Variants in RALGAPA1 observed in about 807,000 individuals in gnomAD.
The protein encoded by RALGAPA1 is ral GTPase-activating protein subunit alpha-1.
Under a neutral mutation model 269.6 loss-of-function variants are expected in RALGAPA1, and 52 were observed. That is an observed-to-expected ratio of 0.19 (90% CI 0.15 to 0.24). The LOEUF is 0.24. Among genes scored for constraint, RALGAPA1 ranks in the 10% least tolerant of loss-of-function variants. The pLI, the probability that RALGAPA1 is intolerant of heterozygous loss-of-function variation, is 1.00. For synonymous variants in RALGAPA1, 817 were observed against 1,008.3 expected, an observed-to-expected ratio of 0.81 and a Z score of 3.60; for missense variants, 1,917 against 3,013.9, an observed-to-expected ratio of 0.64 and a Z score of 8.52.
intron 39 of RALGAPA1, among the ~76,000 whole-genome samples, chr14:35,561,633 T>A (rs1457513202): frequency 6.7e-6 from 1 of 149,696 alleles, no homozygotes; most frequent in African/African-American, 2.5e-5. Context: ...TCAAGCCTCC[T>A]GAGTAGCTGG....
intron 37 of RALGAPA1, among the ~76,000 whole-genome samples, chr14:35,590,274 G>C (rs1292764783): frequency 6.6e-6 from 1 of 152,112 alleles, no homozygotes; most frequent in Non-Finnish European, 1.5e-5. Context: ...AATCTAATTA[G>C]TACCCATATA....
chr14:35,799,049 A>G (rs894153777), intron 1 of RALGAPA1, among the ~76,000 whole-genome samples: 1 of 152,008 alleles, frequency 6.6e-6, no homozygotes, highest in Non-Finnish European at 1.5e-5. Flanking sequence ...ATGGTACTAC[A>G]TGGGTATGAG....
rs554353067 is a variant in RALGAPA1, at chr14:35,704,815, G to A, written c.2267-4513C>T. 6.9e-4 allele frequency among the ~76,000 whole-genome samples: 105 copies of A among 152,060 alleles called. 1 individual carries two copies. The South Asian group carries it at 0.022, about 31-fold the overall frequency. ...AGAAGAACCAGGTTTGTTATTAAAG[G>A]AAATAATTCATAAAAGAGAAATGTA... On this transcript the variant is annotated intron_variant, in intron 16 of 41. Transcript: ENST00000680220.
At chr14:35,646,082 A>C (rs894238350) in intron 31 of RALGAPA1, among the ~76,000 whole-genome samples, 2 of 152,206 alleles carry the variant, frequency 1.3e-5, no homozygotes, top group African/African-American at 4.8e-5. Context: ...TGAATAAGAA[A>C]GAAAGGAAAG....
intron 33 of RALGAPA1, among the ~76,000 whole-genome samples, chr14:35,629,534 C>T (rs1216163342): frequency 2.6e-5 from 4 of 152,090 alleles, no homozygotes; most frequent in Admixed American, 6.6e-5. Flanking sequence ...GATGGAGTCT[C>T]GCTCTGTCTC....
At chr14:35,710,601 A>G (rs2068238738) in intron 16 of RALGAPA1, among the ~76,000 whole-genome samples, 1 of 152,064 alleles carries the variant, frequency 6.6e-6, no homozygotes, top group South Asian at 2.1e-4. Context: ...ATTCTTGATA[A>G]TTCTCCTTGC....
intron 37 of RALGAPA1, among the ~76,000 whole-genome samples, chr14:35,585,004 A>T (rs2058188475): frequency 6.6e-6 from 1 of 152,242 alleles, no homozygotes; most frequent in Non-Finnish European, 1.5e-5. Flanking sequence ...TGCTAACACT[A>T]ATCAAAAGAA....
At chr14:35,773,824 C>T (rs1171185689) in intron 3 of RALGAPA1, among the ~76,000 whole-genome samples, 1 of 151,926 alleles carries the variant, frequency 6.6e-6, no homozygotes, top group Non-Finnish European at 1.5e-5. Flanking sequence ...TCTTTTTTTC[C>T]CCCCTTAACT....
intron 1 of RALGAPA1, among the ~76,000 whole-genome samples, chr14:35,807,366 T>C (rs1452143237): frequency 6.6e-6 from 1 of 152,260 alleles, no homozygotes; most frequent in Non-Finnish European, 1.5e-5. Flanking sequence ...TTAGAAGCTT[T>C]ACATTTTCTT....
intron 1 of RALGAPA1, among the ~76,000 whole-genome samples, chr14:35,778,122 A>C (rs989463138): frequency 2.0e-5 from 3 of 152,104 alleles, no homozygotes; most frequent in Non-Finnish European, 4.4e-5. Context: ...GTGCTGTGGC[A>C]TGATTACAAC....
chr14:35,768,431 T>G lies in RALGAPA1; in HGVS notation c.325+2511A>C, dbSNP rs533948863. On this transcript the variant is annotated intron_variant, in intron 4 of 41. Coordinates refer to ENST00000680220, the MANE Select transcript of RALGAPA1 (RefSeq NM_001346249.2). ...GAGGTTGAGTATGATGGCTCACACC[T>G]GTAATCCCAGCACTTTGGGAGGTTG... 2.3e-3 allele frequency among the ~76,000 whole-genome samples: 349 copies of G among 152,236 alleles called. 3 individuals are homozygous for G. The highest frequency in any genetic ancestry group is 4.1e-3 in the Non-Finnish European group (276 of 68,012).
At chr14:35,608,312 A>C (rs978535002) in intron 35 of RALGAPA1, among the ~76,000 whole-genome samples, 1 of 152,226 alleles carries the variant, frequency 6.6e-6, no homozygotes, top group African/African-American at 2.4e-5. Flanking sequence ...ACTTTGACCA[A>C]TAAGTACGTG....
intron 39 of RALGAPA1, among the ~76,000 whole-genome samples, chr14:35,554,667 T>C (rs2055417994): frequency 1.3e-5 from 2 of 152,108 alleles, no homozygotes; most frequent in East Asian, 1.9e-4. Context: ...TCTTAAGAAA[T>C]AGTTTTTATA....
intron 17 of RALGAPA1, among the ~76,000 whole-genome samples, chr14:35,697,099 C>T (rs989856658): frequency 1.3e-5 from 2 of 152,166 alleles, no homozygotes; most frequent in East Asian, 1.9e-4. Context: ...CGCTCTACAC[C>T]TAACACCTGA....
chr14:35,665,107 T>G (rs1371179895), intron 26 of RALGAPA1, among the ~76,000 whole-genome samples: 1 of 152,182 alleles, frequency 6.6e-6, no homozygotes, highest in Non-Finnish European at 1.5e-5. Flanking sequence ...TTGTGACATA[T>G]TGTTCTAATA....
At chr14:35,771,155 A>T (rs2074583116) in intron 3 of RALGAPA1, among the ~76,000 whole-genome samples, 156 bp from the exon 4 acceptor site, 1 of 152,146 alleles carries the variant, frequency 6.6e-6, no homozygotes, top group Non-Finnish European at 1.5e-5. Context: ...GCGCTTTGGG[A>T]AGCTGAGGTG....
chr14:35,689,695 T>C lies in RALGAPA1; in HGVS notation c.2716A>G (p.Ser906Gly), dbSNP rs2066315063. 1 of 1,399,586 alleles carries C rather than the reference T, an allele frequency of 7.1e-7. No homozygotes were observed. The highest frequency in any genetic ancestry group is 1.5e-5 in the African/African-American group (1 of 66,720). 86.7% of individuals were successfully genotyped at this position (1,399,586 alleles called of 1,614,324 possible). Residue 906 changes from serine to glycine, a missense_variant, in exon 18 of 42, where the codon AGC becomes GGC. Physicochemically the swap from Ser to Gly is moderately conservative, Grantham distance 56 (BLOSUM62 0). Coordinates refer to ENST00000680220, the MANE Select transcript of RALGAPA1 (RefSeq NM_001346249.2). ...SRESSLEVGD[S>G]IYDHLCHLIG... is the part of the protein sequence containing the mutation. The stretch of plus-strand genomic sequence containing the variant: ...AAATGACAAAGATGGTCATATATGC[T>C]ATCACCAACTTCCAGAGAAGACTCT...
chr14:35,591,680 T>C (rs1261243508), intron 37 of RALGAPA1, among the ~76,000 whole-genome samples: 3 of 152,188 alleles, frequency 2.0e-5, no homozygotes, highest in Non-Finnish European at 4.4e-5. Context: ...TCAGAGTCCA[T>C]GTACTAAGGG....
At chr14:35,784,525 G>C (rs1278136689) in intron 1 of RALGAPA1, among the ~76,000 whole-genome samples, 1 of 151,930 alleles carries the variant, frequency 6.6e-6, no homozygotes, top group Non-Finnish European at 1.5e-5. Flanking sequence ...CTTTTTTGCT[G>C]ATCTATTCCT....
Sources: gnomAD v4.1 joint callset for allele counts (sites outside exome capture counted in the v4.1 genomes callset) on GRCh38, gnomAD v4.1.1 for gene constraint, MANE v1.5 for transcripts, NCBI Gene and HGNC (gene_info 2026-07-23, HGNC 2026-07-21) for gene names.